ASS1: variants seen among roughly 807,000 people sequenced by gnomAD.
ASS1 encodes argininosuccinate synthase 1, also known as argininosuccinate synthase.
In ASS1, 58 loss-of-function variants were observed where a neutral mutation model predicts 60.5. That is an observed-to-expected ratio of 0.96 (90% CI 0.78 to 1.19). The LOEUF (loss-of-function observed/expected upper bound fraction) is 1.19, where lower values mean the gene tolerates loss of function less well. ASS1 is among the 50% of genes most tolerant of loss of function. The pLI is 0.00. For synonymous variants in ASS1, 200 were observed against 206.9 expected, an observed-to-expected ratio of 0.97 and a Z score of 0.29; for missense variants, 454 against 547.3, an observed-to-expected ratio of 0.83 and a Z score of 1.70.
rs570292826 is a variant in ASS1 at position 130,470,731 on chromosome 9, G to A, written c.496-103G>A. 7.8e-6 allele frequency: 9 copies of A among 1,152,948 alleles called. No homozygotes were observed. In the Admixed American group the frequency reaches 1.0e-4, roughly 13 times the overall value. The allele number at this position is 1,152,948 out of a possible 1,614,324, so 71.4% of individuals were successfully genotyped here. On this transcript the variant is annotated intron_variant, in intron 6 of 14. Transcript: ENST00000352480. This position sits in a 1 kb window ranked among gnomAD's most constrained non-coding sequence, Gnocchi z 4.3. ...AGGTAGCCAGGGTCTTGTCTGAATG[G>A]GGGCCAGAGTTTGGGGCTCTCTGAA...
intron 1 of ASS1, among the ~76,000 whole-genome samples, chr9:130,451,320 G>A (rs754574682): frequency 4.6e-5 from 7 of 152,132 alleles, no homozygotes; most frequent in Non-Finnish European, 7.3e-5. Flanking sequence ...GAGAGCCCTC[G>A]TGCCCATCTG....
chr9:130,445,241 GGGGCGC>G lies in ASS1; in HGVS notation c.-6+248_-6+253del, dbSNP rs1410167476. On this transcript the variant is annotated intron_variant, in intron 1 of 14. Coordinates refer to ENST00000352480, the MANE Select transcript of ASS1 (RefSeq NM_054012.4). ...GACGCGGCGGGGGCGCGAGTCCCCGGGGGCGCGAGTCCCCGGGTCCGAAGAGCGGCT... is the reference window on the plus strand; with the variant it reads ...GACGCGGCGGGGGCGCGAGTCCCCGGGAGTCCCCGGGTCCGAAGAGCGGCT... The G allele has an allele frequency of 1.5e-3, 1,438 of 961,994 alleles. 4 individuals are homozygous for G. Among genetic ancestry groups the G allele is most frequent in the African/African-American group, 2.9e-3 (166 of 56,784 alleles). 59.6% of individuals were successfully genotyped at this position (961,994 alleles called of 1,614,324 possible).
At position 130,477,340 on chromosome 9, in the gene ASS1, C is replaced by T. The variant is rs905324267; in HGVS notation, c.688+379C>T. ...GGGTAGAATGAGGCCTGCAAGGGAG[C>T]GTCCAGCCCTGGGCCCTGACCCCGG... On this transcript the variant is annotated intron_variant, in intron 9 of 14. Transcript: ENST00000352480. The surrounding 1 kb of genome is among the most constrained non-coding windows in gnomAD (Gnocchi z 4.2). Among the ~76,000 whole-genome samples the T allele has an allele frequency of 6.6e-6, 1 of 152,146 alleles. No homozygotes were observed. Among genetic ancestry groups the T allele is most frequent in the Non-Finnish European group, 1.5e-5 (1 of 68,018 alleles).
intron 4 of ASS1, 85 bp from the exon 5 acceptor site, chr9:130,464,026 C>T (rs541394013): frequency 2.2e-5 from 32 of 1,454,082 alleles, no homozygotes; most frequent in African/African-American, 1.5e-4. Flanking sequence ...GTCTCCGCCA[C>T]GGGCTGTCCT....
rs2131886773 is a variant in ASS1, at chr9:130,471,163, T to G, written c.566+259T>G. Among the ~76,000 whole-genome samples, 2 of 151,876 alleles carry G rather than the reference T, an allele frequency of 1.3e-5. 1 individual carries two copies. Among genetic ancestry groups the G allele is most frequent in the South Asian group, 4.2e-4 (2 of 4,786 alleles). On this transcript the variant is annotated intron_variant, in intron 7 of 14. Transcript: ENST00000352480. ...ATCAAGGAGGGCTTCTTAGAGGAGG[T>G]GGCATTCAAGGATGGAGAAGAGGCC... is the stretch of plus-strand genomic sequence containing the variant.
At position 130,478,518 on chromosome 9, in the gene ASS1, G is replaced by A. The variant is rs772805893; in HGVS notation, c.689-1198G>A. On this transcript the variant is annotated intron_variant, in intron 9 of 14. Coordinates refer to ENST00000352480, the MANE Select transcript of ASS1 (RefSeq NM_054012.4). The surrounding 1 kb of genome is among the most constrained non-coding windows in gnomAD (Gnocchi z 4.7). ...CTGTCTGGAAGAAGAAAAAAAGACC[G>A]GAGGAACCCTCCCCTGGCTAGTGCC... 5.4e-4 allele frequency among the ~76,000 whole-genome samples: 83 copies of A among 152,314 alleles called. No individual in the cohort carries two copies. Among genetic ancestry groups the A allele is most frequent in the Non-Finnish European group, 8.4e-4 (57 of 68,036 alleles).
intron 6 of ASS1, among the ~76,000 whole-genome samples, chr9:130,468,032 A>G (rs980556948): frequency 1.3e-5 from 2 of 152,192 alleles, no homozygotes; most frequent in African/African-American, 4.8e-5. Context: ...AAAGTTTGCC[A>G]GGGAAAGATG....
At chr9:130,493,734 C>A (rs918933704) in intron 12 of ASS1, among the ~76,000 whole-genome samples, 1 of 152,000 alleles carries the variant, frequency 6.6e-6, no homozygotes, top group Non-Finnish European at 1.5e-5. Context: ...TTGCCCTGTC[C>A]CTCCCCCCGC....
chr9:130,449,537 G>A (rs1285177789), intron 1 of ASS1, among the ~76,000 whole-genome samples: 1 of 151,936 alleles, frequency 6.6e-6, no homozygotes, highest in Non-Finnish European at 1.5e-5. Flanking sequence ...TGAATCTTGG[G>A]CCAGCATCAT....
intron 5 of ASS1, among the ~76,000 whole-genome samples, chr9:130,466,075 C>T (rs899325562): frequency 5.9e-5 from 9 of 152,236 alleles, no homozygotes; most frequent in African/African-American, 2.2e-4. Flanking sequence ...ACTGTCAGCT[C>T]CACGGCCCAG....
At position 130,479,737 on chromosome 9, in the gene ASS1, A is replaced by C; in HGVS notation, c.710A>C (p.Asn237Thr). 1 of 1,614,172 alleles carries C rather than the reference A, an allele frequency of 6.2e-7. No homozygotes were observed. The highest frequency in any genetic ancestry group is 8.5e-7 in the Non-Finnish European group (1 of 1,180,012). The change falls in exon 10 of 15, where the codon AAC becomes ACC. Residue 237 changes from asparagine (N) to threonine (T), a missense_variant. Asn to Thr is a moderately conservative substitution (Grantham distance 65). Coordinates refer to ENST00000352480, the MANE Select transcript of ASS1 (RefSeq NM_054012.4). ...FKKGVPVKVT[N>T]VKDGTTHQTS... ...CTAGGGGTCCCTGTGAAGGTGACCA[A>C]CGTCAAGGATGGCACCACCCACCAG...
At chr9:130,455,968 T>C (rs1427830641) in intron 3 of ASS1, among the ~76,000 whole-genome samples, 4 of 152,210 alleles carry the variant, frequency 2.6e-5, no homozygotes, top group African/African-American at 9.7e-5. Context: ...GCAGAGGGGT[T>C]GTCTGAGCAG....
intron 12 of ASS1, among the ~76,000 whole-genome samples, chr9:130,490,260 T>A (rs1356039935): frequency 6.6e-6 from 1 of 152,228 alleles, no homozygotes; most frequent in Non-Finnish European, 1.5e-5. Flanking sequence ...CCGTCACCTG[T>A]TTTTGTTCAG....
At position 130,452,367 on chromosome 9, in the gene ASS1, G is replaced by A. The variant is rs202144727; in HGVS notation, c.105+34G>A. On this transcript the variant is annotated intron_variant, in intron 2 of 14. Coordinates refer to ENST00000352480, the MANE Select transcript of ASS1 (RefSeq NM_054012.4). ...GCGACCTGGGTGTCTGTCTTCCTGC[G>A]TGTCCTGCAACCTGTCCTGTCTGCC... 2.7e-5 allele frequency: 43 copies of A among 1,578,406 alleles called. No individual in the cohort carries two copies. In the East Asian group the frequency reaches 6.3e-4, roughly 23 times the overall value.
chr9:130,470,699 C>A lies in ASS1; in HGVS notation c.496-135C>A. 2 of 882,106 alleles carry A rather than the reference C, an allele frequency of 2.3e-6. No individual in the cohort carries two copies. Among genetic ancestry groups the A allele is most frequent in the Non-Finnish European group, 3.8e-6 (2 of 523,590 alleles). The allele number at this position is 882,106 out of a possible 1,614,324, so 54.6% of individuals were successfully genotyped here. ...CCCCCAGGGAGGTGACCGTGACCAA[C>A]ACTAGGAGGTAGCCAGGGTCTTGTC... is the stretch of plus-strand genomic sequence containing the variant. On this transcript the variant is annotated intron_variant, in intron 6 of 14. Transcript: ENST00000352480. The surrounding 1 kb of genome is among the most constrained non-coding windows in gnomAD (Gnocchi z 4.3).
chr9:130,480,556 G>A (rs1846145512), intron 11 of ASS1, 107 bp downstream of exon 11: 6 of 1,247,486 alleles, frequency 4.8e-6, no homozygotes, highest in African/African-American at 4.5e-5. Flanking sequence ...CTCCGTGGGC[G>A]ACCTTGGGCA....
chr9:130,458,036 G>A (rs1845488573), intron 3 of ASS1, among the ~76,000 whole-genome samples: 1 of 151,970 alleles, frequency 6.6e-6, no homozygotes, highest in African/African-American at 2.4e-5. Flanking sequence ...GCATGCGCCT[G>A]TAATCCCAGC....
rs1846372432 is a variant in ASS1, at chr9:130,488,805, C to T, written c.839-528C>T. ...TCCCCATCTGCACGGTGCGGTCAGC[C>T]TAGGTGATTGCCCAAGCCCTCTGCC... On this transcript the variant is annotated intron_variant, in intron 11 of 14. Transcript: ENST00000352480. The surrounding 1 kb of genome is among the most constrained non-coding windows in gnomAD (Gnocchi z 5.2). Among the ~76,000 whole-genome samples, 1 of 152,170 alleles carries T rather than the reference C, an allele frequency of 6.6e-6. No individual in the cohort carries two copies. The highest frequency in any genetic ancestry group is 2.4e-5 in the African/African-American group (1 of 41,452).
In ASS1 at chr9:130,476,370, T is replaced by C. The variant is rs1343377227; in HGVS notation, c.598-501T>C. 1 of 171,570 alleles carries C rather than the reference T, an allele frequency of 5.8e-6. No homozygotes were observed. Among genetic ancestry groups the C allele is most frequent in the African/African-American group, 2.4e-5 (1 of 41,916 alleles). The allele number at this position is 171,570 out of a possible 1,614,324, so 10.6% of individuals were successfully genotyped here. Reference sequence around the variant, plus strand: ...TGTGTTTTCAAATGGGTTTTTGCTTTGCTCTTCTCTTTTCTCCCTGTGAGT... The same window carrying C: ...TGTGTTTTCAAATGGGTTTTTGCTTCGCTCTTCTCTTTTCTCCCTGTGAGT... On this transcript the variant is annotated intron_variant, in intron 8 of 14. Coordinates refer to ENST00000352480, the MANE Select transcript of ASS1 (RefSeq NM_054012.4). The surrounding 1 kb of genome is among the most constrained non-coding windows in gnomAD (Gnocchi z 4.9).
Sources: allele counts gnomAD v4.1 joint callset (sites outside exome capture counted in the v4.1 genomes callset), GRCh38; gene constraint gnomAD v4.1.1; non-coding constraint Gnocchi (gnomAD v3.1); transcripts MANE v1.5; gene names NCBI Gene and HGNC (gene_info 2026-07-23, HGNC 2026-07-21).